MYD88: variants seen among roughly 807,000 people sequenced by gnomAD.
The protein encoded by MYD88 is MYD88 innate immune signal transduction adaptor.
MYD88 carries 15 observed loss-of-function variants against 31.1 expected under a neutral mutation model. The observed-to-expected ratio is 0.48, with a 90% CI of 0.32 to 0.74. The LOEUF is 0.74. MYD88 is among the 30% of genes least tolerant of loss of function. The probability of loss-of-function intolerance (pLI) is 0.03; values close to 1 mark genes in which losing one functional copy is unlikely to be tolerated. For synonymous variants in MYD88, 157 were observed against 158.8 expected, an observed-to-expected ratio of 0.99 and a Z score of 0.08; for missense variants, 308 against 387.4, an observed-to-expected ratio of 0.79 and a Z score of 1.72.
At position 38,140,579 on chromosome 3, in the gene MYD88, A is replaced by C. The variant is rs183825810; in HGVS notation, c.644+11A>C. 3.1e-6 allele frequency: 5 copies of C among 1,614,158 alleles called. No individual in the cohort carries two copies. In the African/African-American group the frequency reaches 5.3e-5, roughly 17 times the overall value. ...GCTCATCGAAAAGAGGTTGGCTAGA[A>C]GGCCACGGGGTGGGTGCGTGGATGC... On this transcript the variant is annotated intron_variant, in intron 3 of 4. Coordinates refer to ENST00000650905, the MANE Select transcript of MYD88 (RefSeq NM_002468.5).
Position 38,139,729 on chromosome 3 carries a change from G to C in MYD88, c.329-135G>C. On this transcript the variant is annotated intron_variant, in intron 1 of 4. Transcript: ENST00000650905. This position sits in a 1 kb window ranked among gnomAD's most constrained non-coding sequence, Gnocchi z 4.7. The stretch of plus-strand genomic sequence containing the variant: ...CAACTTCTCAGAGCCGTTGAGCTTC[G>C]CGTGGCACCAGTGAACTGGGGAAGC... 9 of 1,133,592 alleles carry C rather than the reference G, an allele frequency of 7.9e-6. No individual in the cohort carries two copies. The South Asian group carries it at 1.0e-4, about 13-fold the overall frequency. 70.2% of individuals were successfully genotyped at this position (1,133,592 alleles called of 1,614,324 possible). A position where few individuals can be genotyped will look rare whatever the true frequency, so the allele number is the denominator to read the frequency against.
chr3:38,139,005 T>A lies in MYD88; in HGVS notation c.305T>A (p.Leu102Gln). The A allele has an allele frequency of 6.2e-7, 1 of 1,605,578 alleles. No homozygotes were observed. The highest frequency in any genetic ancestry group is 8.5e-7 in the Non-Finnish European group (1 of 1,179,780). ...LLTKLGRDDV[L>Q]LELGPSIEED... Reference sequence around the variant, plus strand: ...ACCAAGCTGGGCCGCGACGACGTGCTGCTGGAGCTGGGACCCAGCATTGGT... The same window carrying A: ...ACCAAGCTGGGCCGCGACGACGTGCAGCTGGAGCTGGGACCCAGCATTGGT... Residue 102 changes from leucine (L) to glutamine (Q), a missense_variant, in exon 1 of 5, where the codon CTG becomes CAG. Transcript: ENST00000650905. This position sits in a 1 kb window ranked among gnomAD's most constrained non-coding sequence, Gnocchi z 4.7.
At chr3:38,140,596 C>T (rs371128164) in intron 3 of MYD88, 28 bp downstream of exon 3, 137 of 1,613,688 alleles carry the variant, frequency 8.5e-5, no homozygotes, top group Non-Finnish European at 1.1e-4. Flanking sequence ...GGGGTGGGTG[C>T]GTGGATGCAT....
rs772707495 is a variant in MYD88 at position 38,140,403 on chromosome 3, G to T, written c.479G>T (p.Arg160Leu). 1 of 1,614,192 alleles carries T rather than the reference G, an allele frequency of 6.2e-7. No individual in the cohort carries two copies. Among genetic ancestry groups the T allele is most frequent in the Non-Finnish European group, 8.5e-7 (1 of 1,180,034 alleles). ...CTGCACCCAGGGCATATGCCTGAGC[G>T]TTTCGATGCCTTCATCTGCTATTGC... Reference protein sequence around the residue: ...LDDPLGHMPERFDAFICYCPS... With the variant: ...LDDPLGHMPELFDAFICYCPS... Residue 160 changes from arginine (R) to leucine (L), a missense_variant, in exon 3 of 5, where the codon CGT becomes CTT. Physicochemically the swap from Arg to Leu is moderately radical, Grantham distance 102. Transcript: ENST00000650905.
rs1241730152 is a variant in MYD88 at position 38,140,781 on chromosome 3, C to G, written c.669C>G (p.Val223=). The change falls in exon 4 of 5, where the codon GTC becomes GTG. Residue 223 remains valine, a synonymous_variant. Coordinates refer to ENST00000650905, the MANE Select transcript of MYD88 (RefSeq NM_002468.5). ...GGTGCCGCCGGATGGTGGTGGTTGTCTCTGATGATTACCTGCAGAGCAAGG... is the reference window on the plus strand; with the variant it reads ...GGTGCCGCCGGATGGTGGTGGTTGTGTCTGATGATTACCTGCAGAGCAAGG... ...EKRCRRMVVV[V]SDDYLQSKEC... 7 of 1,614,084 alleles carry G rather than the reference C, an allele frequency of 4.3e-6. No homozygotes were observed. In the Admixed American group the frequency reaches 1.2e-4, roughly 27 times the overall value.
Position 38,139,283 on chromosome 3 carries a change from G to C in MYD88, c.328+255G>C. The stretch of plus-strand genomic sequence containing the variant: ...GGCAGAGGCTTTCAGGTAGGGCCAG[G>C]AGTCAGAATCAGGCTTCTGTGGGGG... On this transcript the variant is annotated intron_variant, in intron 1 of 4. Coordinates refer to ENST00000650905, the MANE Select transcript of MYD88 (RefSeq NM_002468.5). The surrounding 1 kb of genome is among the most constrained non-coding windows in gnomAD (Gnocchi z 4.7). 1.7e-6 allele frequency: 1 copy of C among 579,780 alleles called. No individual in the cohort carries two copies. The highest frequency in any genetic ancestry group is 2.2e-5 in the South Asian group (1 of 45,828). 35.9% of individuals were successfully genotyped at this position (579,780 alleles called of 1,614,324 possible).
Position 38,140,493 on chromosome 3 carries a change from A to T in MYD88, c.569A>T (p.Lys190Met), listed in dbSNP as rs2125778654. ...CTGGAACAGACAAACTATCGACTGA[A>T]GTTGTGTGTGTCTGACCGCGATGTC... ...RQLEQTNYRL[K>M]LCVSDRDVLP... The change falls in exon 3 of 5, where the codon AAG becomes ATG. Residue 190 changes from lysine to methionine, a missense_variant. By Grantham distance (95) the Lys-to-Met change is moderately conservative. Coordinates refer to ENST00000650905, the MANE Select transcript of MYD88 (RefSeq NM_002468.5). 1 of 1,614,226 alleles carries T rather than the reference A, an allele frequency of 6.2e-7. No individual in the cohort carries two copies. Among genetic ancestry groups the T allele is most frequent in the Non-Finnish European group, 8.5e-7 (1 of 1,180,036 alleles).
rs368546163 is a variant in MYD88 at position 38,139,679 on chromosome 3, G to A, written c.329-185G>A. ...GCCAGAACACCACTGACATCCCTTT[G>A]GGTCAGTTAGAGCCAGTGGGAGCTC... On this transcript the variant is annotated intron_variant, in intron 1 of 4. Coordinates refer to ENST00000650905, the MANE Select transcript of MYD88 (RefSeq NM_002468.5). The surrounding 1 kb of genome is among the most constrained non-coding windows in gnomAD (Gnocchi z 4.7). The A allele has an allele frequency of 5.4e-4, 379 of 699,992 alleles. 6 individuals are homozygous for A. In the South Asian group the frequency reaches 6.0e-3, roughly 11 times the overall value. The allele number at this position is 699,992 out of a possible 1,614,324, so 43.4% of individuals were successfully genotyped here.
Position 38,140,499 on chromosome 3 carries a change from G to A in MYD88, c.575G>A (p.Cys192Tyr). Residue 192 changes from cysteine (C) to tyrosine (Y), a missense_variant, in exon 3 of 5, where the codon TGT becomes TAT. Transcript: ENST00000650905. ...CAGACAAACTATCGACTGAAGTTGT[G>A]TGTGTCTGACCGCGATGTCCTGCCT... The part of the protein sequence containing the change: ...LEQTNYRLKL[C>Y]VSDRDVLPGT... 1 of 1,614,246 alleles carries A rather than the reference G, an allele frequency of 6.2e-7. No individual in the cohort carries two copies. The highest frequency in any genetic ancestry group is 1.1e-5 in the South Asian group (1 of 91,086).
chr3:38,140,589 G>C (rs1701054692), intron 3 of MYD88, 21 bp downstream of exon 3: 2 of 1,614,062 alleles, frequency 1.2e-6, no homozygotes, highest in East Asian at 2.2e-5. Flanking sequence ...AGGCCACGGG[G>C]TGGGTGCGTG....
In MYD88 at chr3:38,139,037, G is replaced by T. The variant is rs369357634; in HGVS notation, c.328+9G>T. ...GCTGGGACCCAGCATTGGTGAGGAC[G>T]TCCCCTTCCTGGCCTCGTACCTGGG... On this transcript the variant is annotated intron_variant, in intron 1 of 4. Coordinates refer to ENST00000650905, the MANE Select transcript of MYD88 (RefSeq NM_002468.5). This position sits in a 1 kb window ranked among gnomAD's most constrained non-coding sequence, Gnocchi z 4.7. 1 of 1,599,680 alleles carries T rather than the reference G, an allele frequency of 6.3e-7. No individual in the cohort carries two copies. Among genetic ancestry groups the T allele is most frequent in the African/African-American group, 1.3e-5 (1 of 74,846 alleles).
At chr3:38,141,018 G>A in intron 4 of MYD88, 114 bp from the exon 5 acceptor site, 1 of 1,476,920 alleles carries the variant, frequency 6.8e-7, no homozygotes, top group Non-Finnish European at 9.5e-7. Context: ...GAGTGAATGT[G>A]TGCCAGGGGT....
At chr3:38,140,664 G>T in intron 3 of MYD88, 93 bp from the exon 4 acceptor site, 1 of 1,601,604 alleles carries the variant, frequency 6.2e-7, no homozygotes, top group South Asian at 1.1e-5. Context: ...GCACTGTCCA[G>T]CCTGGGCACA....
chr3:38,141,170 G>A lies in MYD88; in HGVS notation c.775G>A (p.Ala259Thr), dbSNP rs199631431. The change falls in exon 5 of 5, where the codon GCA becomes ACA. Residue 259 changes from alanine (A) to threonine (T), a missense_variant. By Grantham distance (58) the Ala-to-Thr change is moderately conservative. Coordinates refer to ENST00000650905, the MANE Select transcript of MYD88 (RefSeq NM_002468.5). Reference protein sequence around the residue: ...QKRLIPIKYKAMKKEFPSILR... With the variant: ...QKRLIPIKYKTMKKEFPSILR... ...GCGACTGATCCCCATCAAGTACAAGGCAATGAAGAAAGAGTTCCCCAGCAT... is the reference window on the plus strand; with the variant it reads ...GCGACTGATCCCCATCAAGTACAAGACAATGAAGAAAGAGTTCCCCAGCAT... 2 of 1,614,192 alleles carry A rather than the reference G, an allele frequency of 1.2e-6. No homozygotes were observed. Among genetic ancestry groups the A allele is most frequent in the East Asian group, 2.2e-5 (1 of 44,886 alleles).
Position 38,139,533 on chromosome 3 carries a change from G to A in MYD88, c.329-331G>A, listed in dbSNP as rs1025214107. 4.5e-6 allele frequency: 2 copies of A among 446,410 alleles called. No homozygotes were observed. Among genetic ancestry groups the A allele is most frequent in the Non-Finnish European group, 4.2e-6 (1 of 240,326 alleles). The allele number at this position is 446,410 out of a possible 1,614,324, so 27.7% of individuals were successfully genotyped here. On this transcript the variant is annotated intron_variant, in intron 1 of 4. Transcript: ENST00000650905. The surrounding 1 kb of genome is among the most constrained non-coding windows in gnomAD (Gnocchi z 4.7). ...TGGGTCTCCTGAGCCTTTCTGGCAT[G>A]CCCAGCCCCTTGCTCACATCTGCCC...
In MYD88 at chr3:38,142,560, T is replaced by G; in HGVS notation, c.*1274T>G. Reference sequence around the variant, plus strand: ...GCACAGAGAGAGGAAGAGAGCTGCTTAAACTCACACAACAATGAACTGCAG... The same window carrying G: ...GCACAGAGAGAGGAAGAGAGCTGCTGAAACTCACACAACAATGAACTGCAG... On this transcript the variant is annotated 3_prime_UTR_variant, in exon 5 of 5. Transcript: ENST00000650905. 4.3e-6 allele frequency: 1 copy of G among 233,322 alleles called. No homozygotes were observed. Among genetic ancestry groups the G allele is most frequent in the Non-Finnish European group, 8.5e-6 (1 of 118,070 alleles). 14.5% of individuals were successfully genotyped at this position (233,322 alleles called of 1,614,324 possible).
At chr3:38,140,171 G>A (rs1701039542) in intron 2 of MYD88, 173 bp downstream of exon 2, 1 of 975,212 alleles carries the variant, frequency 1.0e-6, no homozygotes, top group Non-Finnish European at 1.6e-6. Flanking sequence ...CTGGATTGCT[G>A]TGAGATGCTC....
Position 38,141,484 on chromosome 3 carries a change from C to A in MYD88, c.*198C>A, listed in dbSNP as rs1701081353. ...GCATGGAACCAGTGGCTGTGAGTGGCATGTCCACTTGCTGGATTATCAGCC... is the reference window on the plus strand; with the variant it reads ...GCATGGAACCAGTGGCTGTGAGTGGAATGTCCACTTGCTGGATTATCAGCC... On this transcript the variant is annotated 3_prime_UTR_variant, in exon 5 of 5. Coordinates refer to ENST00000650905, the MANE Select transcript of MYD88 (RefSeq NM_002468.5). 2.8e-6 allele frequency: 2 copies of A among 713,992 alleles called. No homozygotes were observed. The highest frequency in any genetic ancestry group is 2.1e-5 in the Admixed American group (1 of 47,708). The allele number at this position is 713,992 out of a possible 1,614,324, so 44.2% of individuals were successfully genotyped here.
In MYD88 at chr3:38,142,039, T is replaced by C; in HGVS notation, c.*753T>C. The C allele has an allele frequency of 8.5e-6, 2 of 235,950 alleles. No homozygotes were observed. The highest frequency in any genetic ancestry group is 5.4e-5 in the Admixed American group (1 of 18,394). 14.6% of individuals were successfully genotyped at this position (235,950 alleles called of 1,614,324 possible). A position where few individuals can be genotyped will look rare whatever the true frequency, so the allele number is the denominator to read the frequency against. On this transcript the variant is annotated 3_prime_UTR_variant, in exon 5 of 5. Coordinates refer to ENST00000650905, the MANE Select transcript of MYD88 (RefSeq NM_002468.5). Reference sequence around the variant, plus strand: ...TTTCATTTCCACCTGTCAGGATGCCTGTGGTCATGCTCTCAGCTCCACCTG... The same window carrying C: ...TTTCATTTCCACCTGTCAGGATGCCCGTGGTCATGCTCTCAGCTCCACCTG...
Sources: gnomAD v4.1 joint callset for allele counts on GRCh38, gnomAD v4.1.1 for gene constraint, Gnocchi (gnomAD v3.1) non-coding constraint, MANE v1.5 for transcripts, NCBI Gene and HGNC (gene_info 2026-07-23, HGNC 2026-07-21) for gene names.